Variants in ROBO1 observed in about 807,000 individuals in gnomAD.
The protein encoded by ROBO1 is roundabout guidance receptor 1.
Under a neutral mutation model 195.9 loss-of-function variants are expected in ROBO1, and 149 were observed. The ratio of observed to expected loss-of-function variants is 0.76; its 90% CI spans 0.67 to 0.87. The LOEUF (loss-of-function observed/expected upper bound fraction) is 0.87. ROBO1 is among the 40% of genes least tolerant of loss of function. The pLI, the probability that ROBO1 is intolerant of heterozygous loss-of-function variation, is 0.00. For missense variants in ROBO1, 1,933 were observed against 2,068.3 expected (o/e 0.93, Z 1.27); for synonymous variants, 816 against 733.2 (o/e 1.11, Z -1.82).
At chr3:79,340,376 C>G (rs2034860472) in intron 2 of ROBO1, among the ~76,000 whole-genome samples, 1 of 152,064 alleles carries the variant, frequency 6.6e-6, no homozygotes, top group Non-Finnish European at 1.5e-5. Flanking sequence ...TGGGTATTAG[C>G]CTTTTCAGGT....
At chr3:79,200,629 G>C (rs1475534292) in intron 2 of ROBO1, among the ~76,000 whole-genome samples, 1 of 151,686 alleles carries the variant, frequency 6.6e-6, no homozygotes, top group African/African-American at 2.4e-5. Context: ...TGAGCAAAGA[G>C]GTTTCCAGAA....
At chr3:78,860,078 CAA>C (rs532903511) in intron 4 of ROBO1, among the ~76,000 whole-genome samples, 12 of 77,048 alleles carry the variant, frequency 1.6e-4, no homozygotes, top group Non-Finnish European at 2.1e-4. Flanking sequence ...GACTTCGTCT[CAA>C]AAAAAAAAAA....
At chr3:78,984,908 T>C (rs1057363676) in intron 3 of ROBO1, among the ~76,000 whole-genome samples, 2 of 152,212 alleles carry the variant, frequency 1.3e-5, no homozygotes, top group East Asian at 3.8e-4. Flanking sequence ...CTACCACTTG[T>C]GAGACAGCAA....
In ROBO1 at chr3:78,627,404, A is replaced by C. The variant is rs1704875388; in HGVS notation, c.3792T>G (p.Thr1264=). The C allele has an allele frequency of 3.1e-6, 5 of 1,612,452 alleles. No homozygotes were observed. Among genetic ancestry groups the C allele is most frequent in the African/African-American group, 2.7e-5 (2 of 74,868 alleles). The change falls in exon 26 of 31, where the codon ACT becomes ACG. Residue 1264 remains threonine (T), a synonymous_variant. Transcript: ENST00000464233. ...SYSHQSTATL[T]PSPQEELQPM... ...GCTGGAGTTCTTCCTGTGGGGAGGG[A>C]GTCAGAGTGGCAGTGGACTGATGGC...
At chr3:79,548,233 A>G (rs1207489512) in intron 2 of ROBO1, among the ~76,000 whole-genome samples, 3 of 152,318 alleles carry the variant, frequency 2.0e-5, no homozygotes, top group South Asian at 2.1e-4. Flanking sequence ...TCATGAGCCT[A>G]TGATGCTGAG....
chr3:79,502,494 C>A (rs557627087), intron 2 of ROBO1, among the ~76,000 whole-genome samples: 15 of 152,118 alleles, frequency 9.9e-5, no homozygotes, highest in Admixed American at 2.0e-4. Context: ...AGTCTCCCCC[C>A]GCCCCTTCCC....
intron 16 of ROBO1, 34 bp downstream of exon 16, chr3:78,660,996 A>G: frequency 1.4e-6 from 2 of 1,383,998 alleles, no homozygotes; most frequent in Non-Finnish European, 2.0e-6. Flanking sequence ...AATATACTGC[A>G]ATGCATGGAA....
intron 2 of ROBO1, among the ~76,000 whole-genome samples, chr3:79,488,741 T>C (rs752053548): frequency 5.3e-5 from 8 of 152,196 alleles, no homozygotes; most frequent in Non-Finnish European, 8.8e-5. Flanking sequence ...CTAATGGACA[T>C]ACACTGCAAG....
Position 79,697,765 on chromosome 3 carries a change from T to A in ROBO1, c.-51+69987A>T, listed in dbSNP as rs539965633. Among the ~76,000 whole-genome samples, 5 of 151,524 alleles carry A rather than the reference T, an allele frequency of 3.3e-5. No individual in the cohort carries two copies. In the East Asian group the frequency reaches 9.7e-4, roughly 29 times the overall value. On this transcript the variant is annotated intron_variant, in intron 1 of 30. Transcript: ENST00000464233. Reference sequence around the variant, plus strand: ...TAATCAGAAATGAAAAAATACTACTTAGTAATAAGCATAATAAGTTAGCAT... The same window carrying A: ...TAATCAGAAATGAAAAAATACTACTAAGTAATAAGCATAATAAGTTAGCAT...
At chr3:78,742,645 T>C (rs2082560505) in intron 5 of ROBO1, among the ~76,000 whole-genome samples, 1 of 152,206 alleles carries the variant, frequency 6.6e-6, no homozygotes, top group Admixed American at 6.6e-5. Flanking sequence ...CAGATGGTCT[T>C]AGAAATAGTA....
intron 8 of ROBO1, among the ~76,000 whole-genome samples, chr3:78,701,333 C>T (rs1157827283): frequency 6.6e-6 from 1 of 152,112 alleles, no homozygotes; most frequent in Non-Finnish European, 1.5e-5. Flanking sequence ...ATAACTTGTT[C>T]TGCATTTTAT....
intron 2 of ROBO1, among the ~76,000 whole-genome samples, chr3:79,171,479 A>G (rs1011025654): frequency 6.6e-6 from 1 of 151,024 alleles, no homozygotes; most frequent in African/African-American, 2.4e-5. Flanking sequence ...GATATTCTAG[A>G]TTTAAGAAAG....
chr3:78,781,912 A>G (rs373312090), intron 4 of ROBO1, among the ~76,000 whole-genome samples: 1 of 152,166 alleles, frequency 6.6e-6, no homozygotes, highest in Non-Finnish European at 1.5e-5. Flanking sequence ...TAAATGTACA[A>G]AAGTGTACAT....
chr3:79,055,288 A>G (rs991142858), intron 3 of ROBO1, among the ~76,000 whole-genome samples: 1 of 152,128 alleles, frequency 6.6e-6, no homozygotes, highest in Non-Finnish European at 1.5e-5. Context: ...AACAAAGGAG[A>G]TAAGACACGT....
At chr3:79,674,605 T>A (rs899330179) in intron 1 of ROBO1, among the ~76,000 whole-genome samples, 2 of 151,916 alleles carry the variant, frequency 1.3e-5, no homozygotes, top group African/African-American at 4.8e-5. Context: ...AATATATAAT[T>A]TTGTAGTTAT....
intron 2 of ROBO1, among the ~76,000 whole-genome samples, chr3:79,498,746 C>T (rs1281073554): frequency 1.3e-5 from 2 of 151,426 alleles, no homozygotes; most frequent in Non-Finnish European, 2.9e-5. Context: ...CCCAGCTACT[C>T]GGGAGGCTGA....
chr3:79,371,060 C>A (rs948453328), intron 2 of ROBO1, among the ~76,000 whole-genome samples: 4 of 152,098 alleles, frequency 2.6e-5, no homozygotes, highest in African/African-American at 9.7e-5. Context: ...GTGTATATTG[C>A]CACATTTTCT....
chr3:78,736,050 G>A (rs1374421215), intron 5 of ROBO1, among the ~76,000 whole-genome samples: 2 of 152,024 alleles, frequency 1.3e-5, no homozygotes, highest in African/African-American at 4.8e-5. Flanking sequence ...ATTAACTTGT[G>A]TAGTATCTCC....
At chr3:78,916,065 C>T (rs112104978) in intron 4 of ROBO1, among the ~76,000 whole-genome samples, 1,560 of 149,934 alleles carry the variant, frequency 0.01, 26 homozygotes, top group African/African-American at 0.036. Context: ...TCCTGGCTAA[C>T]ACAGTGAAAC....
Sources: gnomAD v4.1 joint callset for allele counts (sites outside exome capture counted in the v4.1 genomes callset) on GRCh38, gnomAD v4.1.1 for gene constraint, MANE v1.5 for transcripts, NCBI Gene and HGNC (gene_info 2026-07-23, HGNC 2026-07-21) for gene names.